Variants in MACROD2 observed in about 807,000 individuals in gnomAD.
The protein encoded by MACROD2 is mono-ADP ribosylhydrolase 2.
In MACROD2, 36 loss-of-function variants were observed where a neutral mutation model predicts 70.4. The ratio of observed to expected loss-of-function variants is 0.51; its 90% CI spans 0.39 to 0.68. The LOEUF is 0.68. Among genes scored for constraint, MACROD2 ranks in the 30% least tolerant of loss-of-function variants. The pLI is 0.00. For missense variants in MACROD2, 496 were observed against 538.4 expected (o/e 0.92, Z 0.78); for synonymous variants, 172 against 178.8 (o/e 0.96, Z 0.30).
At chr20:15,732,906 C>A (rs2050966218) in intron 8 of MACROD2, among the ~76,000 whole-genome samples, 1 of 152,116 alleles carries the variant, frequency 6.6e-6, no homozygotes, top group South Asian at 2.1e-4. Context: ...AATTCACTAG[C>A]AAACCCATGT....
chr20:14,150,229 G>A (rs2054999453), intron 3 of MACROD2, among the ~76,000 whole-genome samples: 1 of 152,014 alleles, frequency 6.6e-6, no homozygotes, highest in Non-Finnish European at 1.5e-5. Context: ...GGTCGGAGAT[G>A]GTTTTTGTAA....
intron 4 of MACROD2, among the ~76,000 whole-genome samples, chr20:14,595,532 C>G (rs1600432192): frequency 6.6e-6 from 1 of 152,196 alleles, no homozygotes; most frequent in Non-Finnish European, 1.5e-5. Context: ...AATAACATAG[C>G]TTTCTACTCT....
intron 7 of MACROD2, among the ~76,000 whole-genome samples, chr20:15,465,003 C>T (rs2046866600): frequency 6.6e-6 from 1 of 152,148 alleles, no homozygotes; most frequent in Non-Finnish European, 1.5e-5. Flanking sequence ...TCTTTCTACC[C>T]TCAGCATATT....
Position 15,667,426 on chromosome 20 carries a change from G to A in MACROD2, c.645+167579G>A, listed in dbSNP as rs140387188. Among the ~76,000 whole-genome samples, 345 of 152,100 alleles carry A rather than the reference G, an allele frequency of 2.3e-3. 2 individuals are homozygous for A. Among genetic ancestry groups the A allele is most frequent in the African/African-American group, 8.2e-3 (342 of 41,474 alleles). ...CTCTTTAGAAAGTACCCAGTCTCAG[G>A]TATTTCTTTATTTCAATGCAAGAAT... On this transcript the variant is annotated intron_variant, in intron 8 of 17. Transcript: ENST00000684519.
At chr20:14,714,711 G>A (rs969230647) in intron 5 of MACROD2, among the ~76,000 whole-genome samples, 1 of 151,878 alleles carries the variant, frequency 6.6e-6, no homozygotes, top group Non-Finnish European at 1.5e-5. Context: ...TCATTGTCTT[G>A]TCAACTCCTA....
At position 15,563,937 on chromosome 20, in the gene MACROD2, G is replaced by A. The variant is rs548469159; in HGVS notation, c.645+64090G>A. 1.2e-4 allele frequency among the ~76,000 whole-genome samples: 19 copies of A among 152,056 alleles called. No homozygotes were observed. In the South Asian group the frequency reaches 1.4e-3, roughly 12 times the overall value. On this transcript the variant is annotated intron_variant, in intron 8 of 17. Transcript: ENST00000684519. ...GATAGCATTTTTCTTTCCTTTTTCC[G>A]TGTGTGTTATTTCATATTATTAAAT...
chr20:14,217,402 G>A (rs969396048), intron 3 of MACROD2, among the ~76,000 whole-genome samples: 4 of 151,974 alleles, frequency 2.6e-5, no homozygotes, highest in African/African-American at 9.7e-5. Flanking sequence ...TGTTAGATTC[G>A]GTTAGCAAGT....
At chr20:14,310,007 G>A (rs2082552569) in intron 3 of MACROD2, among the ~76,000 whole-genome samples, 1 of 152,098 alleles carries the variant, frequency 6.6e-6, no homozygotes, top group Non-Finnish European at 1.5e-5. Flanking sequence ...TGGGGTACGT[G>A]TGTGGTGTGA....
chr20:14,832,180 C>A (rs2072977997), intron 5 of MACROD2, among the ~76,000 whole-genome samples: 1 of 151,136 alleles, frequency 6.6e-6, no homozygotes, highest in Admixed American at 6.6e-5. Flanking sequence ...GTAGCTGGGA[C>A]TGCAGGTGCC....
At chr20:15,036,390 C>T (rs1361434046) in intron 5 of MACROD2, among the ~76,000 whole-genome samples, 1 of 152,096 alleles carries the variant, frequency 6.6e-6, no homozygotes, top group Non-Finnish European at 1.5e-5. Flanking sequence ...TCAGTATAAT[C>T]AGCATCACCT....
At chr20:15,010,727 A>G (rs1017346940) in intron 5 of MACROD2, among the ~76,000 whole-genome samples, 1 of 152,222 alleles carries the variant, frequency 6.6e-6, no homozygotes, top group African/African-American at 2.4e-5. Flanking sequence ...AAATATAATA[A>G]TAACAATAAA....
At chr20:15,503,963 GCTATCA>G (rs2047395264) in intron 8 of MACROD2, among the ~76,000 whole-genome samples, 1 of 152,102 alleles carries the variant, frequency 6.6e-6, no homozygotes, top group African/African-American at 2.4e-5. Context: ...ATAGTTTGTG[GCTATCA>G]TTCCCCATAA....
At chr20:15,602,055 G>A (rs974973759) in intron 8 of MACROD2, among the ~76,000 whole-genome samples, 10 of 151,912 alleles carry the variant, frequency 6.6e-5, no homozygotes, top group Admixed American at 3.9e-4. Flanking sequence ...GAACTGTTTC[G>A]ATTCTTCAGT....
chr20:15,873,213 T>C (rs946737937), intron 9 of MACROD2, among the ~76,000 whole-genome samples: 5 of 152,214 alleles, frequency 3.3e-5, no homozygotes, highest in Admixed American at 1.3e-4. Context: ...TTGAATGTCA[T>C]GTACTATACA....
chr20:14,426,435 G>A (rs942536203), intron 3 of MACROD2, among the ~76,000 whole-genome samples: 8 of 151,058 alleles, frequency 5.3e-5, no homozygotes, highest in African/African-American at 1.9e-4. Context: ...TCTTATTTCT[G>A]CATATTGCAT....
intron 6 of MACROD2, among the ~76,000 whole-genome samples, chr20:15,429,717 G>A (rs570261919): frequency 5.9e-5 from 9 of 152,094 alleles, no homozygotes; most frequent in Admixed American, 2.6e-4. Flanking sequence ...TTAGATTCTA[G>A]CATAGTGCCA....
rs114720524 is a variant in MACROD2, at chr20:15,500,741, T to C, written c.645+894T>C. Among the ~76,000 whole-genome samples the C allele has an allele frequency of 4.7e-3, 709 of 152,314 alleles. 5 individuals are homozygous for C. Among genetic ancestry groups the C allele is most frequent in the African/African-American group, 0.016 (667 of 41,578 alleles). On this transcript the variant is annotated intron_variant, in intron 8 of 17. Coordinates refer to ENST00000684519, the MANE Select transcript of MACROD2 (RefSeq NM_001351661.2). The stretch of plus-strand genomic sequence containing the variant: ...TTTCAAATGAGAAAGCACTTGGTAC[T>C]TTTGTGTGTTTGAAGAAACAGCAGT...
In MACROD2 at chr20:14,157,850, A is replaced by T. The variant is rs6135074; in HGVS notation, c.271+72122A>T. ...ATTGATGGACACTTAGGTTGACTCC[A>T]TATCTTTACTCTTGTGAATAGTGCT... On this transcript the variant is annotated intron_variant, in intron 3 of 17. Coordinates refer to ENST00000684519, the MANE Select transcript of MACROD2 (RefSeq NM_001351661.2). 1.0e-3 allele frequency among the ~76,000 whole-genome samples: 156 copies of T among 152,304 alleles called. 3 individuals carry two copies. In the East Asian group the frequency reaches 0.029, roughly 28 times the overall value.
At chr20:14,082,186 T>TTTC (rs1555916969) in intron 2 of MACROD2, among the ~76,000 whole-genome samples, 1 of 133,110 alleles carries the variant, frequency 7.5e-6, no homozygotes. Flanking sequence ...TCTTTTTTTT[T>TTTC]TTTTTTTTTT....
Sources: gnomAD v4.1 joint callset for allele counts (sites outside exome capture counted in the v4.1 genomes callset) on GRCh38, gnomAD v4.1.1 for gene constraint, MANE v1.5 for transcripts, NCBI Gene and HGNC (gene_info 2026-07-23, HGNC 2026-07-21) for gene names.